The following FBN1 variants were observed in gnomAD, a reference collection of about 807,000 sequenced individuals.
FBN1 encodes fibrillin-1.
In FBN1, 29 loss-of-function variants were observed where a neutral mutation model predicts 365.1. That is an observed-to-expected ratio of 0.08 (90% CI 0.06 to 0.11). The LOEUF (loss-of-function observed/expected upper bound fraction) is 0.11, where lower values mean the gene tolerates loss of function less well. Ranked by LOEUF, FBN1 falls within the 10% of genes least tolerant of loss-of-function variation. The probability of loss-of-function intolerance (pLI) is 1.00; values close to 1 mark genes in which losing one functional copy is unlikely to be tolerated. For synonymous variants in FBN1, 1,210 were observed against 1,270.5 expected (o/e 0.95, Z 1.01); for missense variants, 2,476 against 3,703.2 (o/e 0.67, Z 8.60).
In FBN1 at chr15:48,490,046, C is replaced by G. The variant is rs745709588; in HGVS notation, c.2887G>C (p.Glu963Gln). 2 of 1,614,154 alleles carry G rather than the reference C, an allele frequency of 1.2e-6. No individual in the cohort carries two copies. Among genetic ancestry groups the G allele is most frequent in the East Asian group, 4.5e-5 (2 of 44,870 alleles). ...ATAGGCAGGGTGCACTCCTCGTCCT[C>G]GTACCTCAGGAAGCAGGTTTCCAGG... The part of the protein sequence containing the change: ...IRLETCFLRY[E>Q]DEECTLPIAG... Residue 963 changes from glutamate (E) to glutamine (Q), a missense_variant, in exon 25 of 66, where the codon GAG (glutamate) becomes CAG (glutamine). Glu to Gln is a conservative substitution (Grantham distance 29). Coordinates refer to ENST00000316623, the MANE Select transcript of FBN1 (RefSeq NM_000138.5).
At chr15:48,562,929 G>A (rs1429150738) in intron 6 of FBN1, among the ~76,000 whole-genome samples, 1 of 152,150 alleles carries the variant, frequency 6.6e-6, no homozygotes, top group South Asian at 2.1e-4. Context: ...TTTAAATGAA[G>A]AGATTGTACC....
At chr15:48,571,860 C>T (rs2044308039) in intron 6 of FBN1, among the ~76,000 whole-genome samples, 1 of 151,994 alleles carries the variant, frequency 6.6e-6, no homozygotes, top group Non-Finnish European at 1.5e-5. Flanking sequence ...AGCCCAAATG[C>T]TTAAAAAATG....
At chr15:48,562,363 TA>T (rs879776340) in intron 6 of FBN1, among the ~76,000 whole-genome samples, 35 of 152,304 alleles carry the variant, frequency 2.3e-4, no homozygotes, top group Admixed American at 2.2e-3. Context: ...TGTAACACAG[TA>T]ACCCACAGTT....
intron 32 of FBN1, among the ~76,000 whole-genome samples, chr15:48,477,687 A>G (rs2043431610): frequency 6.6e-6 from 1 of 152,252 alleles, no homozygotes. Flanking sequence ...AAGGAAACAT[A>G]GTACATGTTT....
At chr15:48,493,099 A>C in intron 23 of FBN1, among the ~76,000 whole-genome samples, 1 of 152,158 alleles carries the variant, frequency 6.6e-6, no homozygotes, top group Non-Finnish European at 1.5e-5. Flanking sequence ...TAACTCAGCC[A>C]TGGTCTCAGG....
At chr15:48,425,978 A>C (rs1285322256) in intron 58 of FBN1, 114 bp from the exon 59 acceptor site, 3 of 824,888 alleles carry the variant, frequency 3.6e-6, no homozygotes, top group Non-Finnish European at 6.0e-6. Flanking sequence ...TTTTGGGCCT[A>C]AGAAATTAAA....
Position 48,494,247 on chromosome 15 carries a change from T to A in FBN1, c.2685A>T (p.Ile895=), listed in dbSNP as rs1378432041. ...TAATTCTTGAGTACCCTTTACCACA[T>A]ATGGGATCTGTAATAAAAAGCGAAA... ...SPCTLCQVDP[I]CGKGYSRIKG... is the part of the protein sequence containing the mutation. The change falls in exon 23 of 66, where the codon ATA becomes ATT. Residue 895 remains isoleucine (I), a synonymous_variant. Coordinates refer to ENST00000316623, the MANE Select transcript of FBN1 (RefSeq NM_000138.5). 6.2e-7 allele frequency: 1 copy of A among 1,612,686 alleles called. No individual in the cohort carries two copies.
intron 4 of FBN1, among the ~76,000 whole-genome samples, chr15:48,606,497 T>C (rs966186494): frequency 2.0e-5 from 3 of 152,246 alleles, no homozygotes; most frequent in Non-Finnish European, 4.4e-5. Context: ...AGGTTACATA[T>C]TCTGTGATTC....
At position 48,417,182 on chromosome 15, in the gene FBN1, T is replaced by C. The variant is rs543144762; in HGVS notation, c.7820-1415A>G. On this transcript the variant is annotated intron_variant, in intron 63 of 65. Transcript: ENST00000316623. ...TGCTTCCTTTCTCCTGTAATTAGTTTACCTTCTTTGCTAAGGCACATTCAT... is the reference window on the plus strand; with the variant it reads ...TGCTTCCTTTCTCCTGTAATTAGTTCACCTTCTTTGCTAAGGCACATTCAT... Among the ~76,000 whole-genome samples, 4 of 152,358 alleles carry C rather than the reference T, an allele frequency of 2.6e-5. No individual in the cohort carries two copies. The East Asian group carries it at 5.8e-4, about 22-fold the overall frequency.
chr15:48,599,605 G>C (rs1251596185), intron 5 of FBN1, among the ~76,000 whole-genome samples: 1 of 151,742 alleles, frequency 6.6e-6, no homozygotes, highest in Non-Finnish European at 1.5e-5. Context: ...CTGGTAGAAA[G>C]TAGATACAAT....
intron 2 of FBN1, among the ~76,000 whole-genome samples, chr15:48,634,450 A>C (rs1316775510): frequency 6.6e-6 from 1 of 152,078 alleles, no homozygotes; most frequent in Non-Finnish European, 1.5e-5. Context: ...GGTTGTCATC[A>C]ATCTCTTTCA....
chr15:48,410,888 GA>G lies in FBN1; in HGVS notation c.*101del. 8.5e-7 allele frequency: 1 copy of G among 1,170,840 alleles called. No individual in the cohort carries two copies. Among genetic ancestry groups the G allele is most frequent in the East Asian group, 2.5e-5 (1 of 39,708 alleles). 72.5% of individuals were successfully genotyped at this position (1,170,840 alleles called of 1,614,324 possible). ...GCTTATTTATACAAATTTACTTGGT[GA>G]AAGATTGTACCTATGATATGATGAT... On this transcript the variant is annotated 3_prime_UTR_variant, in exon 66 of 66. Coordinates refer to ENST00000316623, the MANE Select transcript of FBN1 (RefSeq NM_000138.5).
intron 12 of FBN1, among the ~76,000 whole-genome samples, chr15:48,514,793 T>A (rs867736812): frequency 1.3e-5 from 2 of 152,188 alleles, no homozygotes; most frequent in African/African-American, 4.8e-5. Flanking sequence ...CCAGAAATGA[T>A]TTGAGTATCT....
chr15:48,524,615 A>C (rs17460049), intron 9 of FBN1, among the ~76,000 whole-genome samples: 16,033 of 152,164 alleles, frequency 0.11, 979 homozygotes, highest in Non-Finnish European at 0.13. Context: ...CTGGCAAGAA[A>C]GAGTGAACTG....
rs746384974 is a variant in FBN1, at chr15:48,537,818, A to G, written c.539-10T>C. 2 of 1,613,850 alleles carry G rather than the reference A, an allele frequency of 1.2e-6. No individual in the cohort carries two copies. The highest frequency in any genetic ancestry group is 1.3e-5 in the African/African-American group (1 of 75,046). Reference sequence around the variant, plus strand: ...GGGCCTGTCCTGTAATCTGAAAATAAAGAATAAAAATCTGATGAAAATCCA... The same window carrying G: ...GGGCCTGTCCTGTAATCTGAAAATAGAGAATAAAAATCTGATGAAAATCCA... On this transcript the variant is annotated splice_polypyrimidine_tract_variant and intron_variant, in intron 6 of 65. Transcript: ENST00000316623.
At chr15:48,429,499 A>T (rs143846057) in intron 56 of FBN1, among the ~76,000 whole-genome samples, 4 of 152,332 alleles carry the variant, frequency 2.6e-5, no homozygotes, top group African/African-American at 9.6e-5. Context: ...AGAATAGTTC[A>T]GGGTCCCTCA....
intron 57 of FBN1, 105 bp downstream of exon 57, chr15:48,428,241 T>C: frequency 7.0e-7 from 1 of 1,427,108 alleles, no homozygotes; most frequent in Non-Finnish European, 9.8e-7. Context: ...TTTTTATCCT[T>C]CCTCAGATTT....
At chr15:48,456,839 C>CGTGA in intron 43 of FBN1, 77 bp from the exon 44 acceptor site, 9 of 999,580 alleles carry the variant, frequency 9.0e-6, no homozygotes, top group Non-Finnish European at 1.2e-5. Context: ...ATGGAAAGTG[C>CGTGA]GTGCGTGTGT....
intron 63 of FBN1, among the ~76,000 whole-genome samples, chr15:48,416,451 C>A (rs1012368141): frequency 2.6e-5 from 4 of 152,180 alleles, no homozygotes; most frequent in African/African-American, 9.6e-5. Context: ...TCGGCCCCCT[C>A]CTTATTCAAA....
Sources: gnomAD v4.1 joint callset for allele counts (sites outside exome capture counted in the v4.1 genomes callset) on GRCh38, gnomAD v4.1.1 for gene constraint, MANE v1.5 for transcripts, NCBI Gene and HGNC (gene_info 2026-07-23, HGNC 2026-07-21) for gene names.